Variants in GREB1 observed in about 807,000 individuals in gnomAD.
GREB1 encodes the protein growth regulating estrogen receptor binding 1.
Under a neutral mutation model 200.7 loss-of-function variants are expected in GREB1, and 106 were observed. That is an observed-to-expected ratio of 0.53 (90% CI 0.45 to 0.62). The LOEUF is 0.62. Among genes scored for constraint, GREB1 ranks in the 20% least tolerant of loss-of-function variants. The pLI is 0.00. For missense variants in GREB1, 2,243 were observed against 2,556.8 expected (o/e 0.88, Z 2.65); for synonymous variants, 1,132 against 1,092.4 (o/e 1.04, Z -0.72).
intron 1 of GREB1, among the ~76,000 whole-genome samples, chr2:11,487,803 A>G (rs1175883570): frequency 6.6e-6 from 1 of 152,178 alleles, no homozygotes; most frequent in Admixed American, 6.5e-5. Context: ...CCAAGACATT[A>G]TATCATTTCA....
At chr2:11,623,506 G>A (rs1684174460) in intron 23 of GREB1, among the ~76,000 whole-genome samples, 1 of 152,232 alleles carries the variant, frequency 6.6e-6, no homozygotes, top group Non-Finnish European at 1.5e-5. Context: ...AGTGGGACAA[G>A]ATGTGGAGGT....
chr2:11,518,756 A>G (rs912194582), intron 1 of GREB1, among the ~76,000 whole-genome samples: 2 of 151,766 alleles, frequency 1.3e-5, no homozygotes, highest in African/African-American at 4.9e-5. Flanking sequence ...ACAAAAAAAA[A>G]AAAAAGAAAA....
intron 2 of GREB1, among the ~76,000 whole-genome samples, chr2:11,559,946 G>A (rs1676825945): frequency 6.6e-6 from 1 of 152,154 alleles, no homozygotes; most frequent in Admixed American, 6.5e-5. Context: ...CCTTCCCAAA[G>A]TCACGCTTCC....
intron 4 of GREB1, among the ~76,000 whole-genome samples, chr2:11,572,942 G>A (rs564587101): frequency 6.6e-6 from 1 of 152,118 alleles, no homozygotes; most frequent in Admixed American, 6.5e-5. Flanking sequence ...TGTTTTGTTG[G>A]GCTTCATGAG....
intron 1 of GREB1, among the ~76,000 whole-genome samples, chr2:11,498,877 C>G (rs1159481715): frequency 6.6e-6 from 1 of 152,172 alleles, no homozygotes; most frequent in Non-Finnish European, 1.5e-5. Flanking sequence ...CTCTCCCAGC[C>G]CCAAATGTGG....
chr2:11,638,896 C>T, intron 32 of GREB1, 87 bp downstream of exon 32: 1 of 1,363,496 alleles, frequency 7.3e-7, no homozygotes, highest in Non-Finnish European at 1.0e-6. Flanking sequence ...GGTCCTAGTC[C>T]TTATTTGCCC....
Position 11,596,204 on chromosome 2 carries a change from C to T in GREB1, c.1919C>T (p.Ala640Val). ...GCTGCCTCTTCTGTCACTAAAGCAGCATCCCTGGATGTCAGTGGGACACCG... is the reference window on the plus strand; with the variant it reads ...GCTGCCTCTTCTGTCACTAAAGCAGTATCCCTGGATGTCAGTGGGACACCG... Reference protein sequence around the residue: ...SLAASSVTKAASLDVSGTPVC... With the variant: ...SLAASSVTKAVSLDVSGTPVC... The change falls in exon 13 of 33, where the codon GCA becomes GTA. Residue 640 changes from alanine to valine, a missense_variant. Physicochemically the swap from Ala to Val is moderately conservative, Grantham distance 64 (BLOSUM62 0). This residue lies in a region of GREB1 where 1,178 missense variants were observed against 1,387.4 expected (regional missense o/e 0.85). Coordinates refer to ENST00000381486, the MANE Select transcript of GREB1 (RefSeq NM_014668.4). 6.2e-7 allele frequency: 1 copy of T among 1,613,814 alleles called. No homozygotes were observed. The highest frequency in any genetic ancestry group is 1.1e-5 in the South Asian group (1 of 91,078).
intron 30 of GREB1, 111 bp from the exon 31 acceptor site, chr2:11,637,605 C>A (rs1351464310): frequency 3.8e-6 from 3 of 796,882 alleles, no homozygotes. Flanking sequence ...TCAGTTCATT[C>A]CCCTGAGTGA....
intron 1 of GREB1, among the ~76,000 whole-genome samples, chr2:11,494,229 G>GGT (rs1339576652): frequency 2.0e-5 from 3 of 152,238 alleles, no homozygotes; most frequent in African/African-American, 7.2e-5. Context: ...CTGATCCGGG[G>GGT]GTGCCCCCAA....
intron 3 of GREB1, chr2:11,562,820 C>T: frequency 2.5e-6 from 1 of 398,256 alleles, no homozygotes; most frequent in Non-Finnish European, 4.5e-6. Context: ...GCCTCTGTGC[C>T]ACTCTTTGGA....
At chr2:11,591,166 A>G (rs1680692312) in intron 10 of GREB1, among the ~76,000 whole-genome samples, 1 of 152,224 alleles carries the variant, frequency 6.6e-6, no homozygotes, top group African/African-American at 2.4e-5. Context: ...ATTAAATTCT[A>G]ATTTGATTAG....
Position 11,602,520 on chromosome 2 carries a change from A to T in GREB1, c.2644A>T (p.Met882Leu). Residue 882 changes from methionine (M) to leucine (L), a missense_variant, in exon 17 of 33, where the codon ATG becomes TTG. Met to Leu is a conservative substitution (Grantham distance 15). This residue lies in a region of GREB1 where 1,178 missense variants were observed against 1,387.4 expected (regional missense o/e 0.85). Transcript: ENST00000381486. ...LLRYDSSFEAMVTALGKRFPR... is the reference protein window; with the variant it reads ...LLRYDSSFEALVTALGKRFPR... Reference sequence around the variant, plus strand: ...CAGATACGATAGCTCCTTTGAGGCCATGGTCACTGCATTAGGAAAAAGGTA... The same window carrying T: ...CAGATACGATAGCTCCTTTGAGGCCTTGGTCACTGCATTAGGAAAAAGGTA... 6.2e-7 allele frequency: 1 copy of T among 1,614,026 alleles called. No individual in the cohort carries two copies. Among genetic ancestry groups the T allele is most frequent in the Non-Finnish European group, 8.5e-7 (1 of 1,179,852 alleles).
chr2:11,632,630 G>A (rs528513890), intron 27 of GREB1, among the ~76,000 whole-genome samples: 2 of 152,172 alleles, frequency 1.3e-5, no homozygotes, highest in Non-Finnish European at 2.9e-5. Flanking sequence ...GAGCCACTGC[G>A]CCTGGCCAAA....
chr2:11,586,050 G>C (rs1467807883), intron 9 of GREB1, 145 bp downstream of exon 9: 1 of 770,728 alleles, frequency 1.3e-6, no homozygotes, highest in Non-Finnish European at 2.1e-6. Context: ...GGCAAGGAAA[G>C]AACAAGGCAG....
Position 11,578,439 on chromosome 2 carries a change from G to T in GREB1, c.772+8G>T. ...TGGGAGCTCAGCAGGCAGGTGAGGTGGTGGAGACACACCAGAGCTGCTAAA... is the reference window on the plus strand; with the variant it reads ...TGGGAGCTCAGCAGGCAGGTGAGGTTGTGGAGACACACCAGAGCTGCTAAA... On this transcript the variant is annotated splice_region_variant and intron_variant, in intron 6 of 32. Coordinates refer to ENST00000381486, the MANE Select transcript of GREB1 (RefSeq NM_014668.4). The T allele has an allele frequency of 6.2e-7, 1 of 1,613,390 alleles. No homozygotes were observed. The highest frequency in any genetic ancestry group is 8.5e-7 in the Non-Finnish European group (1 of 1,179,926).
intron 1 of GREB1, among the ~76,000 whole-genome samples, chr2:11,502,238 T>C (rs985904352): frequency 9.0e-5 from 13 of 145,118 alleles, no homozygotes; most frequent in African/African-American, 3.4e-4. Context: ...TTTTTTTTCC[T>C]GAGACAGGGT....
rs1466594765 is a variant in GREB1, at chr2:11,578,442, G to A, written c.772+11G>A. Reference sequence around the variant, plus strand: ...GAGCTCAGCAGGCAGGTGAGGTGGTGGAGACACACCAGAGCTGCTAAACCC... The same window carrying A: ...GAGCTCAGCAGGCAGGTGAGGTGGTAGAGACACACCAGAGCTGCTAAACCC... On this transcript the variant is annotated intron_variant, in intron 6 of 32. Coordinates refer to ENST00000381486, the MANE Select transcript of GREB1 (RefSeq NM_014668.4). The A allele has an allele frequency of 1.2e-6, 2 of 1,613,228 alleles. No individual in the cohort carries two copies. Among genetic ancestry groups the A allele is most frequent in the Non-Finnish European group, 1.7e-6 (2 of 1,179,850 alleles).
upstream of GREB1, among the ~76,000 whole-genome samples, chr2:11,531,254 G>A (rs1331272883): frequency 6.6e-6 from 1 of 152,274 alleles, no homozygotes; most frequent in East Asian, 1.9e-4. Flanking sequence ...CTAGAGCCTA[G>A]GCTGCCAAGG....
At position 11,574,967 on chromosome 2, in the gene GREB1, G is replaced by A. The variant is rs553371993; in HGVS notation, c.455-1386G>A. Among the ~76,000 whole-genome samples the A allele has an allele frequency of 3.9e-5, 6 of 152,310 alleles. No homozygotes were observed. In the South Asian group the frequency reaches 6.2e-4, roughly 16 times the overall value. ...CAAGAGATCTGTCCTTATTTCTAAC[G>A]CCTTTTGAGAAAGACTAGATGTGCT... On this transcript the variant is annotated intron_variant, in intron 4 of 32. Coordinates refer to ENST00000381486, the MANE Select transcript of GREB1 (RefSeq NM_014668.4).
Sources: allele counts gnomAD v4.1 joint callset (sites outside exome capture counted in the v4.1 genomes callset), GRCh38; gene constraint gnomAD v4.1.1; regional missense constraint gnomAD v4.1.1; transcripts MANE v1.5; gene names NCBI Gene and HGNC (gene_info 2026-07-23, HGNC 2026-07-21).